SAMD13: variants seen among roughly 807,000 people sequenced by gnomAD.
The protein encoded by SAMD13 is sterile alpha motif domain-containing protein 13.
Under a neutral mutation model 12.4 loss-of-function variants are expected in SAMD13, and 9 were observed. That is an observed-to-expected ratio of 0.72 (90% confidence interval 0.44 to 1.26). The LOEUF (loss-of-function observed/expected upper bound fraction) is 1.26, where lower values mean the gene tolerates loss of function less well. Ranked by LOEUF, SAMD13 falls within the 50% of genes most tolerant of loss-of-function variation. SAMD13 has a pLI of 0.00. For synonymous variants in SAMD13, 46 were observed against 45.4 expected (o/e 1.01, Z -0.05); for missense variants, 84 against 119.6 (o/e 0.70, Z 1.39).
intron 2 of SAMD13, among the ~76,000 whole-genome samples, chr1:84,324,704 T>G (rs1679018550): frequency 6.6e-6 from 1 of 152,134 alleles, no homozygotes; most frequent in South Asian, 2.1e-4. Flanking sequence ...AAAATCATCT[T>G]GGATGAGGTA....
intron 2 of SAMD13, among the ~76,000 whole-genome samples, chr1:84,319,321 G>A (rs1382126648): frequency 6.6e-6 from 1 of 152,082 alleles, no homozygotes; most frequent in African/African-American, 2.4e-5. Flanking sequence ...TATTCATTGA[G>A]TCTGCTTGAA....
chr1:84,344,187 A>G (rs1387630366), intron 3 of SAMD13, among the ~76,000 whole-genome samples: 1 of 152,030 alleles, frequency 6.6e-6, no homozygotes, highest in Non-Finnish European at 1.5e-5. Flanking sequence ...TAGCCCTTAC[A>G]GTGAGCCAAA....
chr1:84,310,794 T>A (rs1458770742), intron 2 of SAMD13, among the ~76,000 whole-genome samples: 1 of 152,178 alleles, frequency 6.6e-6, no homozygotes, highest in Non-Finnish European at 1.5e-5. Context: ...TTGCATAAAT[T>A]GATAAGCAAC....
At chr1:84,332,274 G>C (rs1679208717) in intron 3 of SAMD13, among the ~76,000 whole-genome samples, 1 of 152,140 alleles carries the variant, frequency 6.6e-6, no homozygotes, top group African/African-American at 2.4e-5. Context: ...CAGGTTGAAT[G>C]GTAGTTCTGT....
intron 3 of SAMD13, among the ~76,000 whole-genome samples, chr1:84,341,489 T>C (rs1679423627): frequency 6.6e-6 from 1 of 152,072 alleles, no homozygotes; most frequent in South Asian, 2.1e-4. Context: ...GGTTCCTTGA[T>C]TTTTTTCCCC....
chr1:84,329,869 T>G (rs1300717835), intron 3 of SAMD13, among the ~76,000 whole-genome samples: 1 of 152,218 alleles, frequency 6.6e-6, no homozygotes, highest in Non-Finnish European at 1.5e-5. Context: ...TGGCATGTGG[T>G]CTGTGTCATC....
intron 3 of SAMD13, among the ~76,000 whole-genome samples, chr1:84,338,782 C>A (rs1679357379): frequency 1.3e-5 from 2 of 152,182 alleles, no homozygotes; most frequent in South Asian, 4.2e-4. Flanking sequence ...GAGACTTATT[C>A]ACTATCCTGA....
At chr1:84,303,355 C>A (rs1268373671) in intron 2 of SAMD13, 68 bp downstream of exon 2, 5 of 1,326,262 alleles carry the variant, frequency 3.8e-6, no homozygotes, top group Admixed American at 3.5e-5. Context: ...TATTTTCGTA[C>A]TTCTTGCTTA....
chr1:84,301,677 A>T, upstream of SAMD13: 1 of 985,368 alleles, frequency 1.0e-6, no homozygotes, highest in Non-Finnish European at 1.2e-6. Flanking sequence ...GTTTTATTTC[A>T]CTGTGTCAAA....
intron 2 of SAMD13, among the ~76,000 whole-genome samples, chr1:84,319,624 GAAAA>G (rs57599932): frequency 1.4e-3 from 110 of 77,794 alleles, no homozygotes; most frequent in South Asian, 7.0e-3. Flanking sequence ...GACAGGAAAA[GAAAA>G]AAAAAAAAAA....
At chr1:84,321,847 C>A (rs1678953797) in intron 2 of SAMD13, among the ~76,000 whole-genome samples, 1 of 152,100 alleles carries the variant, frequency 6.6e-6, no homozygotes, top group South Asian at 2.1e-4. Flanking sequence ...TATTTTGGAT[C>A]ATCACCAGCT....
intron 3 of SAMD13, among the ~76,000 whole-genome samples, chr1:84,335,433 G>A (rs1052603888): frequency 2.6e-5 from 4 of 152,040 alleles, no homozygotes; most frequent in South Asian, 2.1e-4. Context: ...GAGCCTGTGC[G>A]TGTCATTACA....
At chr1:84,324,371 T>C (rs563099433) in intron 2 of SAMD13, among the ~76,000 whole-genome samples, 2 of 152,222 alleles carry the variant, frequency 1.3e-5, no homozygotes, top group African/African-American at 2.4e-5. Context: ...ATATTCTTCA[T>C]GTGACTTCTT....
chr1:84,299,467 C>A (rs1572683874), upstream of SAMD13: 2 of 392,748 alleles, frequency 5.1e-6, no homozygotes, highest in Middle Eastern at 7.0e-4. Context: ...TGTTTGGTTG[C>A]CTCTCCCCCT....
At chr1:84,309,720 C>T (rs1572691000) in intron 2 of SAMD13, among the ~76,000 whole-genome samples, 1 of 152,136 alleles carries the variant, frequency 6.6e-6, no homozygotes, top group South Asian at 2.1e-4. Context: ...AAGAAAAGCA[C>T]AAACAGAAAA....
At chr1:84,310,173 T>C (rs1678677973) in intron 2 of SAMD13, among the ~76,000 whole-genome samples, 1 of 152,142 alleles carries the variant, frequency 6.6e-6, no homozygotes, top group Admixed American at 6.5e-5. Context: ...ATTATATCAC[T>C]TAAACATGTA....
rs567884049 is a variant in SAMD13, at chr1:84,350,783, G to A, written c.*1009G>A. The A allele has an allele frequency of 2.0e-5, 3 of 152,660 alleles. No individual in the cohort carries two copies. In the South Asian group the frequency reaches 6.2e-4, roughly 32 times the overall value. 9.5% of individuals were successfully genotyped at this position (152,660 alleles called of 1,614,324 possible). On this transcript the variant is annotated 3_prime_UTR_variant, in exon 4 of 4. Transcript: ENST00000394834. ...ATTGGTGCTTTGTGGTTGCAATAAAGCATTGCTTCAGTTTATTGCCAGTGT... is the reference window on the plus strand; with the variant it reads ...ATTGGTGCTTTGTGGTTGCAATAAAACATTGCTTCAGTTTATTGCCAGTGT...
rs1679615586 is a variant in SAMD13 at position 84,350,029 on chromosome 1, A to C, written c.*255A>C. Reference sequence around the variant, plus strand: ...AATAGATGATCTTTGACACGATTAGACACTCCTCCCCACAAAGGCTTTGAA... The same window carrying C: ...AATAGATGATCTTTGACACGATTAGCCACTCCTCCCCACAAAGGCTTTGAA... On this transcript the variant is annotated 3_prime_UTR_variant, in exon 4 of 4. Transcript: ENST00000394834. The C allele has an allele frequency of 2.0e-6, 1 of 497,824 alleles. No homozygotes were observed. Among genetic ancestry groups the C allele is most frequent in the African/African-American group, 2.0e-5 (1 of 50,994 alleles). The allele number at this position is 497,824 out of a possible 1,614,324, so 30.8% of individuals were successfully genotyped here. A position where few individuals can be genotyped will look rare whatever the true frequency, so the allele number is the denominator to read the frequency against.
chr1:84,316,179 C>G (rs1386976595), intron 2 of SAMD13, among the ~76,000 whole-genome samples: 1 of 152,034 alleles, frequency 6.6e-6, no homozygotes, highest in Non-Finnish European at 1.5e-5. Flanking sequence ...TTCCTTTTTA[C>G]TCTATTGAAT....
Sources: allele counts gnomAD v4.1 joint callset (sites outside exome capture counted in the v4.1 genomes callset), GRCh38; gene constraint gnomAD v4.1.1; transcripts MANE v1.5; gene names NCBI Gene and HGNC (gene_info 2026-07-23, HGNC 2026-07-21).